The following SUGCT variants were observed in gnomAD, a reference collection of about 807,000 sequenced individuals.
The protein encoded by SUGCT is succinyl-CoA:glutarate CoA-transferase.
In SUGCT, 41 loss-of-function variants were observed where a neutral mutation model predicts 55.0. The ratio of observed to expected loss-of-function variants is 0.74; its 90% CI spans 0.58 to 0.97. The LOEUF (loss-of-function observed/expected upper bound fraction) is 0.97. Ranked by LOEUF, SUGCT falls within the 50% of genes least tolerant of loss-of-function variation. SUGCT has a pLI of 0.00. For synonymous variants in SUGCT, 187 were observed against 200.4 expected (o/e 0.93, Z 0.56); for missense variants, 568 against 547.8 (o/e 1.04, Z -0.37).
intron 13 of SUGCT, among the ~76,000 whole-genome samples, chr7:40,820,200 T>A (rs1490946285): frequency 1.3e-5 from 2 of 152,366 alleles, no homozygotes; most frequent in East Asian, 3.9e-4. Flanking sequence ...GGTAGCGTGA[T>A]GCCTCCAGCT....
At chr7:41,008,457 A>G in the SUGCT span, among the ~76,000 whole-genome samples, 7 of 152,168 alleles carry the variant, frequency 4.6e-5, no homozygotes, top group Non-Finnish European at 8.8e-5. Flanking sequence ...CTCTCAGCAC[A>G]GAAGAAAACT....
At chr7:40,516,305 G>A (rs892748682) in intron 12 of SUGCT, among the ~76,000 whole-genome samples, 16 of 151,966 alleles carry the variant, frequency 1.1e-4, no homozygotes, top group African/African-American at 3.9e-4. Context: ...TCATTTTCTT[G>A]ATTGTATTCT....
chr7:40,305,818 C>T (rs188360617), intron 8 of SUGCT, among the ~76,000 whole-genome samples: 6 of 152,052 alleles, frequency 3.9e-5, no homozygotes, highest in African/African-American at 9.6e-5. Flanking sequence ...CACACCACCA[C>T]GCCCAGTTAA....
intron 12 of SUGCT, among the ~76,000 whole-genome samples, chr7:40,595,597 T>C (rs1797971309): frequency 6.6e-6 from 1 of 151,776 alleles, no homozygotes; most frequent in Non-Finnish European, 1.5e-5. Flanking sequence ...CAATGGCTAC[T>C]AAATACACCT....
intron 9 of SUGCT, among the ~76,000 whole-genome samples, chr7:40,423,151 G>T (rs540316132): frequency 4.6e-5 from 7 of 152,166 alleles, no homozygotes; most frequent in African/African-American, 1.7e-4. Context: ...TCAACTTCTG[G>T]CCTATATTCC....
At chr7:40,894,058 AG>A in the SUGCT span, among the ~76,000 whole-genome samples, 173 of 151,154 alleles carry the variant, frequency 1.1e-3, 3 homozygotes, top group African/African-American at 3.4e-3. Context: ...TGTCTTAAGA[AG>A]AAAAAAAAAA....
At chr7:40,781,321 A>G (rs12154576) in intron 13 of SUGCT, among the ~76,000 whole-genome samples, 14,381 of 152,232 alleles carry the variant, frequency 0.094, 723 homozygotes, top group Middle Eastern at 0.18. Context: ...TTTTCTCCTG[A>G]ATAAAATGAT....
intron 9 of SUGCT, among the ~76,000 whole-genome samples, chr7:40,427,978 G>A (rs957410433): frequency 7.9e-5 from 12 of 152,090 alleles, no homozygotes; most frequent in Non-Finnish European, 7.3e-5. Flanking sequence ...CTGTCTGAAT[G>A]TTCTATTCGA....
chr7:40,978,424 C>T, the SUGCT span, among the ~76,000 whole-genome samples: 2 of 152,138 alleles, frequency 1.3e-5, no homozygotes, highest in African/African-American at 4.8e-5. Context: ...ACTGACTGAA[C>T]ACCTACCAAG....
intron 12 of SUGCT, among the ~76,000 whole-genome samples, chr7:40,681,069 C>A (rs1037014147): frequency 6.6e-6 from 1 of 152,038 alleles, no homozygotes; most frequent in Non-Finnish European, 1.5e-5. Context: ...TTTGTGATAT[C>A]GTGAAATATA....
chr7:40,806,945 A>G (rs1376509557), intron 13 of SUGCT, among the ~76,000 whole-genome samples: 2 of 152,160 alleles, frequency 1.3e-5, no homozygotes, highest in Non-Finnish European at 1.5e-5. Context: ...CTCTTTATAT[A>G]TAAGTTTCCA....
intron 12 of SUGCT, among the ~76,000 whole-genome samples, chr7:40,541,876 T>G (rs1225015648): frequency 6.6e-6 from 1 of 152,130 alleles, no homozygotes; most frequent in Non-Finnish European, 1.5e-5. Context: ...TTGAAGAGTT[T>G]AGGATATATT....
intron 1 of SUGCT, among the ~76,000 whole-genome samples, chr7:40,166,049 G>C (rs1316910898): frequency 6.6e-6 from 1 of 152,202 alleles, no homozygotes; most frequent in African/African-American, 2.4e-5. Context: ...TTGAACCCGG[G>C]AGGTGGAGGT....
chr7:40,761,385 A>C (rs191588298), intron 13 of SUGCT, among the ~76,000 whole-genome samples: 80 of 152,354 alleles, frequency 5.3e-4, no homozygotes, highest in African/African-American at 1.8e-3. Flanking sequence ...GAGGTCATAG[A>C]TAACACTGTA....
chr7:40,687,172 G>GA (rs201067432), intron 12 of SUGCT, among the ~76,000 whole-genome samples: 151 of 151,144 alleles, frequency 1.0e-3, no homozygotes, highest in African/African-American at 3.3e-3. Flanking sequence ...GTTTGTTCTT[G>GA]AAAAAAAAAT....
intron 12 of SUGCT, among the ~76,000 whole-genome samples, chr7:40,636,067 A>T (rs955197669): frequency 6.6e-6 from 1 of 152,196 alleles, no homozygotes; most frequent in Non-Finnish European, 1.5e-5. Flanking sequence ...TGGTATTCCA[A>T]ATCTCTATTG....
Position 40,824,885 on chromosome 7 carries a change from A to G in SUGCT, c.1154-35431A>G, listed in dbSNP as rs569818883. Among the ~76,000 whole-genome samples, 8 of 152,348 alleles carry G rather than the reference A, an allele frequency of 5.3e-5. No individual in the cohort carries two copies. The East Asian group carries it at 1.3e-3, about 26-fold the overall frequency. ...AGCCCTCTTAAGGCCCCACCTCCCA[A>G]TACCATCACAATGGCAATTAAATAT... On this transcript the variant is annotated intron_variant, in intron 13 of 13. Transcript: ENST00000335693.
the SUGCT span, among the ~76,000 whole-genome samples, chr7:40,923,674 C>G: frequency 6.6e-6 from 1 of 152,180 alleles, no homozygotes; most frequent in Non-Finnish European, 1.5e-5. Flanking sequence ...GCAATTTTCT[C>G]TAGTCCATCA....
At chr7:40,973,427 C>A in the SUGCT span, among the ~76,000 whole-genome samples, 1 of 152,172 alleles carries the variant, frequency 6.6e-6, no homozygotes, top group Non-Finnish European at 1.5e-5. Flanking sequence ...TGGCTTATGC[C>A]AGTCTGAATT....
Sources: gnomAD v4.1 joint callset for allele counts (sites outside exome capture counted in the v4.1 genomes callset) on GRCh38, gnomAD v4.1.1 for gene constraint, MANE v1.5 for transcripts, NCBI Gene and HGNC (gene_info 2026-07-23, HGNC 2026-07-21) for gene names.